Variants in NBPF11 observed in about 807,000 individuals in gnomAD.
NBPF11 encodes NBPF member 11, also known as NBPF family member NBPF11.
NBPF11 carries 72 observed loss-of-function variants against 93.9 expected under a neutral mutation model. The ratio of observed to expected loss-of-function variants is 0.77; its 90% CI spans 0.63 to 0.93. The LOEUF (loss-of-function observed/expected upper bound fraction) is 0.93. Among genes scored for constraint, NBPF11 ranks in the 40% least tolerant of loss-of-function variants. The pLI is 0.00. For missense variants in NBPF11, 705 were observed against 802.2 expected, an observed-to-expected ratio of 0.88 and a Z score of 1.46; for synonymous variants, 224 against 304.9, an observed-to-expected ratio of 0.73 and a Z score of 2.76.
rs1043841 is a variant in NBPF11 at position 148,102,384 on chromosome 1, T to C, written c.*1512A>G. On this transcript the variant is annotated 3_prime_UTR_variant, in exon 24 of 24. Coordinates refer to ENST00000682118, the MANE Select transcript of NBPF11 (RefSeq NM_001385469.3). Reference sequence around the variant, plus strand: ...AGAGGATGATCATTAGAATACAGGATATTTATACTCTTGAAAACCACTTTC... The same window carrying C: ...AGAGGATGATCATTAGAATACAGGACATTTATACTCTTGAAAACCACTTTC... 1 of 151,826 alleles carries C rather than the reference T, an allele frequency of 6.6e-6. No homozygotes were observed. The highest frequency in any genetic ancestry group is 2.4e-5 in the African/African-American group (1 of 41,194). The allele number at this position is 151,826 out of a possible 1,614,324, so 9.4% of individuals were successfully genotyped here.
At position 148,121,787 on chromosome 1, in the gene NBPF11, G is replaced by A. The variant is rs1356373407; in HGVS notation, c.778+268C>T. On this transcript the variant is annotated intron_variant, in intron 9 of 23. Coordinates refer to ENST00000682118, the MANE Select transcript of NBPF11 (RefSeq NM_001385469.3). ...CTCCTGAGCAGTTGGGACTATAGGC[G>A]GGCAGCACCATGCCTGCCTAATTTT... Among the ~76,000 whole-genome samples the A allele has an allele frequency of 7.0e-3, 1,050 of 149,914 alleles. 15 individuals are homozygous for A. Among genetic ancestry groups the A allele is most frequent in the African/African-American group, 0.023 (952 of 40,736 alleles).
intron 19 of NBPF11, among the ~76,000 whole-genome samples, chr1:148,107,451 T>G (rs1362256143): frequency 1.3e-5 from 2 of 151,450 alleles, no homozygotes. Context: ...GCTCAATAAT[T>G]TTCCATAAAC....
intron 2 of NBPF11, among the ~76,000 whole-genome samples, chr1:148,142,832 A>T (rs1336059599): frequency 2.6e-5 from 4 of 152,124 alleles, no homozygotes; most frequent in African/African-American, 9.7e-5. Flanking sequence ...ATAAATTCTA[A>T]GTCCTACAGG....
In NBPF11 at chr1:148,143,413, A is replaced by C. The variant is rs1464171214; in HGVS notation, c.-277+2T>G. 9.9e-4 allele frequency: 874 copies of C among 879,600 alleles called. 15 individuals are homozygous for C. The African/African-American group carries it at 0.015, about 15-fold the overall frequency. The allele number at this position is 879,600 out of a possible 1,614,324, so 54.5% of individuals were successfully genotyped here. A position where few individuals can be genotyped will look rare whatever the true frequency, so the allele number is the denominator to read the frequency against. On this transcript the variant is annotated splice_donor_variant, in intron 2 of 23. Coordinates refer to ENST00000682118, the MANE Select transcript of NBPF11 (RefSeq NM_001385469.3). LOFTEE classifies it low-confidence loss of function (5UTR_SPLICE). ...GAGCTGGCAATGCCTCAGGATTTTT[A>C]CCTGTTGGATCTGGCAGCTCTTCAT... is the stretch of plus-strand genomic sequence containing the variant.
chr1:148,116,539 T>C lies in NBPF11; in HGVS notation c.1307-4A>G, dbSNP rs1422454390. On this transcript the variant is annotated splice_region_variant and splice_polypyrimidine_tract_variant and intron_variant, in intron 12 of 23. Transcript: ENST00000682118. ...TCATCGTCATCGTTATCATTTTCTG[T>C]AAATACAGAAGTGTTCATTCAGATA... 11 of 689,360 alleles carry C rather than the reference T, an allele frequency of 1.6e-5. No homozygotes were observed. The highest frequency in any genetic ancestry group is 2.6e-5 in the Non-Finnish European group (10 of 380,758). The allele number at this position is 689,360 out of a possible 1,614,324, so 42.7% of individuals were successfully genotyped here. A position where few individuals can be genotyped will look rare whatever the true frequency, so the allele number is the denominator to read the frequency against.
chr1:148,121,188 G>A lies in NBPF11; in HGVS notation c.779-478C>T, dbSNP rs1462823529. Among the ~76,000 whole-genome samples the A allele has an allele frequency of 5.3e-5, 8 of 151,674 alleles. No individual in the cohort carries two copies. In the East Asian group the frequency reaches 1.6e-3, roughly 29 times the overall value. On this transcript the variant is annotated intron_variant, in intron 9 of 23. Transcript: ENST00000682118. ...GCCTGCCAAGCATCTGGGATTACAA[G>A]CGCCAAGTAACATGACAGCTAATTT...
At chr1:148,138,326 T>C (rs1671666768) in intron 2 of NBPF11, among the ~76,000 whole-genome samples, 1 of 151,330 alleles carries the variant, frequency 6.6e-6, no homozygotes, top group Non-Finnish European at 1.5e-5. Context: ...CTTCCTCTTA[T>C]CTCAACTGCA....
intron 1 of NBPF11, among the ~76,000 whole-genome samples, chr1:148,146,068 G>A (rs1182902736): frequency 2.6e-5 from 4 of 152,006 alleles, no homozygotes; most frequent in African/African-American, 7.3e-5. Flanking sequence ...AGATTTAGGG[G>A]CAGGGGTGCG....
intron 23 of NBPF11, 23 bp from the exon 24 acceptor site, chr1:148,103,935 A>T: frequency 6.2e-7 from 1 of 1,610,646 alleles, no homozygotes; most frequent in Non-Finnish European, 8.5e-7. Flanking sequence ...ACAAAACTAA[A>T]GAAGCAGCCA....
chr1:148,123,024 A>C (rs1206047708), intron 7 of NBPF11, among the ~76,000 whole-genome samples: 68 of 152,122 alleles, frequency 4.5e-4, no homozygotes, highest in African/African-American at 1.5e-3. Context: ...AAATACTGAA[A>C]AGACCTTTTG....
chr1:148,121,303 C>T (rs1667767540), intron 9 of NBPF11, among the ~76,000 whole-genome samples: 3 of 150,846 alleles, frequency 2.0e-5, no homozygotes. Flanking sequence ...CTTGGCCTCT[C>T]AAAGTGCTGG....
chr1:148,108,441 G>A (rs369222314), intron 18 of NBPF11, 41 bp downstream of exon 18: 1 of 1,323,182 alleles, frequency 7.6e-7, no homozygotes. Context: ...CTAAACAGAA[G>A]ACTCAGTGGA....
intron 18 of NBPF11, among the ~76,000 whole-genome samples, chr1:148,108,123 A>G (rs1211748006): frequency 6.7e-6 from 1 of 148,944 alleles, no homozygotes; most frequent in East Asian, 2.1e-4. Context: ...CAGATTGTTC[A>G]TGGTAGTGAG....
intron 6 of NBPF11, among the ~76,000 whole-genome samples, 179 bp from the exon 7 acceptor site, chr1:148,124,246 C>G (rs1264577993): frequency 6.7e-6 from 1 of 150,060 alleles, no homozygotes; most frequent in Admixed American, 6.6e-5. Context: ...ACAGGCTTTC[C>G]CTCTATCAGA....
chr1:148,121,985 C>A, intron 9 of NBPF11, 70 bp downstream of exon 9: 1 of 962,152 alleles, frequency 1.0e-6, no homozygotes, highest in Non-Finnish European at 1.7e-6. Context: ...TGTGTATATA[C>A]AGCCTGTCCT....
intron 4 of NBPF11, among the ~76,000 whole-genome samples, chr1:148,133,645 T>C (rs1277379796): frequency 6.6e-6 from 1 of 151,886 alleles, no homozygotes; most frequent in Non-Finnish European, 1.5e-5. Context: ...ATTTTTTAAA[T>C]ATAAAAAAGA....
Position 148,126,858 on chromosome 1 carries a change from C to T in NBPF11, c.146G>A (p.Gly49Asp). 21 of 1,515,018 alleles carry T rather than the reference C, an allele frequency of 1.4e-5. No individual in the cohort carries two copies. Among genetic ancestry groups the T allele is most frequent in the Non-Finnish European group, 1.8e-5 (20 of 1,101,322 alleles). The allele number at this position is 1,515,018 out of a possible 1,614,324, so 93.8% of individuals were successfully genotyped here. A position where few individuals can be genotyped will look rare whatever the true frequency, so the allele number is the denominator to read the frequency against. The change falls in exon 5 of 24, where the codon GGC becomes GAC. Residue 49 changes from glycine to aspartate, a missense_variant. Around this residue, in one of 12 missense-constraint regions of NBPF11, gnomAD observed 128 missense variants for 112.8 expected, o/e 1.14. Transcript: ENST00000682118. ...TTTCTTCTGTCGGTTGGCCAGGAAG[C>T]CGGCCAGTTGAGTTAGAAAACATCT... The part of the protein sequence containing the change: ...KERCFLTQLA[G>D]FLANRQKKYK...
chr1:148,112,978 A>G (rs1295114530), intron 15 of NBPF11, among the ~76,000 whole-genome samples: 3 of 151,912 alleles, frequency 2.0e-5, no homozygotes, highest in Admixed American at 1.3e-4. Flanking sequence ...AGCACTAAAC[A>G]TGGAAAGGAA....
chr1:148,116,661 T>A (rs1666630193), intron 12 of NBPF11, 126 bp from the exon 13 acceptor site: 1 of 592,232 alleles, frequency 1.7e-6, no homozygotes, highest in South Asian at 2.0e-5. Flanking sequence ...AACTCTCATG[T>A]TTTATCTTTA....
Sources: gnomAD v4.1 joint callset for allele counts (sites outside exome capture counted in the v4.1 genomes callset) on GRCh38, gnomAD v4.1.1 for gene constraint, gnomAD v4.1.1 regional missense constraint, MANE v1.5 for transcripts, NCBI Gene and HGNC (gene_info 2026-07-23, HGNC 2026-07-21) for gene names.